Variants in HECW1 observed in about 807,000 individuals in gnomAD.
HECW1 encodes the protein E3 ubiquitin-protein ligase HECW1.
HECW1 carries 61 observed loss-of-function variants against 182.3 expected under a neutral mutation model. The observed-to-expected ratio is 0.33, with a 90% confidence interval of 0.27 to 0.41. The LOEUF (loss-of-function observed/expected upper bound fraction) is 0.41, where lower values mean the gene tolerates loss of function less well. HECW1 is among the 10% of genes least tolerant of loss of function. The probability of loss-of-function intolerance (pLI) is 1.00; values close to 1 mark genes in which losing one functional copy is unlikely to be tolerated. For missense variants in HECW1, 1,739 were observed against 2,108.9 expected (o/e 0.82, Z 3.44); for synonymous variants, 859 against 832.6 (o/e 1.03, Z -0.55).
intron 3 of HECW1, among the ~76,000 whole-genome samples, chr7:43,247,831 TAAG>T (rs200969113): frequency 0.017 from 1,570 of 90,896 alleles, 49 homozygotes; most frequent in African/African-American, 0.068. Flanking sequence ...GAGAGAAAGG[TAAG>T]AAGGAAGGAA....
chr7:43,194,152 T>C (rs1398283713), intron 2 of HECW1, among the ~76,000 whole-genome samples: 2 of 152,116 alleles, frequency 1.3e-5, no homozygotes, highest in South Asian at 2.1e-4. Context: ...GTGTCCCATA[T>C]GGCCTGAACT....
intron 2 of HECW1, among the ~76,000 whole-genome samples, chr7:43,205,176 T>C (rs755490380): frequency 2.8e-4 from 43 of 151,990 alleles, no homozygotes; most frequent in Non-Finnish European, 5.1e-4. Context: ...CTTCACCTCT[T>C]GGGTTCAAGA....
At chr7:43,162,737 C>G in intron 2 of HECW1, among the ~76,000 whole-genome samples, 1 of 152,158 alleles carries the variant, frequency 6.6e-6, no homozygotes, top group Non-Finnish European at 1.5e-5. Context: ...CCTTTTAATA[C>G]AGAGGTAGTG....
rs576370358 is a variant in HECW1, at chr7:43,246,845, C to G, written c.27+2913C>G. Among the ~76,000 whole-genome samples, 10 of 145,810 alleles carry G rather than the reference C, an allele frequency of 6.9e-5. No individual in the cohort carries two copies. The South Asian group carries it at 2.1e-3, about 31-fold the overall frequency. Reference sequence around the variant, plus strand: ...GTGTGGGGGCTGCAGCCTGGCAGAGCCTCTGCCAGCCCAGTGGACTCTCAG... The same window carrying G: ...GTGTGGGGGCTGCAGCCTGGCAGAGGCTCTGCCAGCCCAGTGGACTCTCAG... On this transcript the variant is annotated intron_variant, in intron 3 of 29. Transcript: ENST00000395891.
chr7:43,147,967 C>A (rs147449126), intron 2 of HECW1, among the ~76,000 whole-genome samples: 1 of 152,130 alleles, frequency 6.6e-6, no homozygotes. Flanking sequence ...TGATAGTGGG[C>A]AATTTGCAAA....
intron 3 of HECW1, among the ~76,000 whole-genome samples, chr7:43,311,389 C>A (rs1005654124): frequency 6.6e-6 from 1 of 152,144 alleles, no homozygotes; most frequent in South Asian, 2.1e-4. Flanking sequence ...AAAATCAGAT[C>A]CAATCTAATT....
chr7:43,362,326 G>C (rs1362253911), intron 6 of HECW1, among the ~76,000 whole-genome samples: 1 of 152,204 alleles, frequency 6.6e-6, no homozygotes, highest in African/African-American at 2.4e-5. Context: ...CCAAAGCCTG[G>C]CTGCCTCCAT....
chr7:43,125,684 G>A (rs1487523510), intron 2 of HECW1, among the ~76,000 whole-genome samples: 4 of 148,504 alleles, frequency 2.7e-5, no homozygotes. Context: ...CTTGAATCTG[G>A]GAGGCAGAGG....
rs1456651252 is a variant in HECW1, at chr7:43,432,360, C to G, written c.802-5643C>G. Among the ~76,000 whole-genome samples the G allele has an allele frequency of 6.7e-6, 1 of 148,940 alleles. No individual in the cohort carries two copies. Among genetic ancestry groups the G allele is most frequent in the South Asian group, 2.1e-4 (1 of 4,734 alleles). On this transcript the variant is annotated intron_variant, in intron 8 of 29. Transcript: ENST00000395891. This position sits in a 1 kb window ranked among gnomAD's most constrained non-coding sequence, Gnocchi z 4.1. Reference sequence around the variant, plus strand: ...TTCACCGTTTTAGCCGGGATGGTCTCGATCTCCTGACCTCGTGATCCGCCC... The same window carrying G: ...TTCACCGTTTTAGCCGGGATGGTCTGGATCTCCTGACCTCGTGATCCGCCC...
intron 24 of HECW1, among the ~76,000 whole-genome samples, chr7:43,524,056 G>A (rs1365974634): frequency 2.6e-5 from 4 of 151,946 alleles, no homozygotes; most frequent in African/African-American, 7.3e-5. Flanking sequence ...AATTTTAGTC[G>A]GCAACTGCAG....
intron 10 of HECW1, among the ~76,000 whole-genome samples, chr7:43,442,981 C>T (rs966554696): frequency 2.6e-5 from 4 of 152,198 alleles, no homozygotes; most frequent in Non-Finnish European, 5.9e-5. Context: ...GAACGTGAAA[C>T]ATCTTTCTAC....
chr7:43,464,212 G>C (rs2077681889), intron 14 of HECW1, among the ~76,000 whole-genome samples: 1 of 152,128 alleles, frequency 6.6e-6, no homozygotes, highest in Admixed American at 6.5e-5. Context: ...GTGTTCTAAG[G>C]ATTTTTTCAC....
chr7:43,216,003 G>A (rs1271759597), intron 2 of HECW1, among the ~76,000 whole-genome samples: 1 of 152,310 alleles, frequency 6.6e-6, no homozygotes, highest in South Asian at 2.1e-4. Flanking sequence ...GAGAGATGTT[G>A]TACAGTTTAT....
chr7:43,214,165 TTCTC>T (rs1176398117), intron 2 of HECW1, among the ~76,000 whole-genome samples: 3 of 151,946 alleles, frequency 2.0e-5, no homozygotes, highest in South Asian at 2.1e-4. Flanking sequence ...TCATATATAT[TTCTC>T]TCTAATTTTT....
chr7:43,555,680 G>A (rs1472472808), intron 29 of HECW1, among the ~76,000 whole-genome samples: 5 of 152,124 alleles, frequency 3.3e-5, no homozygotes, highest in African/African-American at 4.8e-5. Flanking sequence ...GATTTTCCCC[G>A]AGGACAATTC....
At position 43,371,139 on chromosome 7, in the gene HECW1, G is replaced by A. The variant is rs111838128; in HGVS notation, c.555+10159G>A. ...CCTGACCTTGTGATCCACCCGCCTC[G>A]GCCTCCCAAAGTGCTGGGATTACAG... On this transcript the variant is annotated intron_variant, in intron 6 of 29. Coordinates refer to ENST00000395891, the MANE Select transcript of HECW1 (RefSeq NM_015052.5). Among the ~76,000 whole-genome samples, 1,029 of 152,094 alleles carry A rather than the reference G, an allele frequency of 6.8e-3. 11 individuals carry two copies. Among genetic ancestry groups the A allele is most frequent in the African/African-American group, 0.023 (970 of 41,506 alleles).
intron 13 of HECW1, among the ~76,000 whole-genome samples, chr7:43,462,113 A>G (rs1010090866): frequency 6.6e-6 from 1 of 152,326 alleles, no homozygotes; most frequent in South Asian, 2.1e-4. Context: ...TCATCTGTGC[A>G]GCGAGCATCC....
chr7:43,363,209 C>G (rs551497941), intron 6 of HECW1, among the ~76,000 whole-genome samples: 7 of 152,290 alleles, frequency 4.6e-5, no homozygotes, highest in Admixed American at 4.6e-4. Context: ...TGATGTACAG[C>G]CCCTTAGGGC....
chr7:43,542,389 A>G (rs925093171), intron 26 of HECW1, among the ~76,000 whole-genome samples: 9 of 152,004 alleles, frequency 5.9e-5, no homozygotes, highest in African/African-American at 2.2e-4. Flanking sequence ...TTTTAAGACT[A>G]AATAATATTT....
Sources: allele counts gnomAD v4.1 joint callset (sites outside exome capture counted in the v4.1 genomes callset), GRCh38; gene constraint gnomAD v4.1.1; non-coding constraint Gnocchi (gnomAD v3.1); transcripts MANE v1.5; gene names NCBI Gene and HGNC (gene_info 2026-07-23, HGNC 2026-07-21).